The following SASH1 variants were observed in gnomAD, a reference collection of about 807,000 sequenced individuals.
The protein encoded by SASH1 is SAM and SH3 domain containing 1.
A neutral mutation model predicts 125.2 loss-of-function variants in SASH1; 44 were observed. The ratio of observed to expected loss-of-function variants is 0.35; its 90% CI spans 0.28 to 0.45. The LOEUF (loss-of-function observed/expected upper bound fraction) is 0.45, where lower values mean the gene tolerates loss of function less well. Among genes scored for constraint, SASH1 ranks in the 20% least tolerant of loss-of-function variants. SASH1 has a pLI of 1.00. For missense variants in SASH1, 1,426 were observed against 1,614.5 expected (o/e 0.88, Z 2.00); for synonymous variants, 639 against 649.1 (o/e 0.98, Z 0.24).
intron 1 of SASH1, among the ~76,000 whole-genome samples, chr6:148,325,849 T>C (rs1780781573): frequency 6.6e-6 from 1 of 152,036 alleles, no homozygotes; most frequent in Admixed American, 6.6e-5. Flanking sequence ...TCCACAGTAT[T>C]TGCCCCGATG....
intron 4 of SASH1, among the ~76,000 whole-genome samples, chr6:148,461,780 T>C (rs1382446723): frequency 6.6e-6 from 1 of 152,188 alleles, no homozygotes; most frequent in Non-Finnish European, 1.5e-5. Flanking sequence ...ACAGAGGAGA[T>C]AGGTTTGTGT....
intron 5 of SASH1, 194 bp downstream of exon 5, chr6:148,468,779 C>T: frequency 2.0e-6 from 1 of 508,168 alleles, no homozygotes; most frequent in South Asian, 3.2e-5. Context: ...ATTCTGCATA[C>T]TGTTTTATAG....
At chr6:148,259,126 A>G in the SASH1 span, among the ~76,000 whole-genome samples, 320 of 152,280 alleles carry the variant, frequency 2.1e-3, 2 homozygotes, top group Non-Finnish European at 3.6e-3. Context: ...GTTGTCTGCG[A>G]GGGATGAGGG....
chr6:148,269,661 C>A (rs986497458), upstream of SASH1, among the ~76,000 whole-genome samples: 2 of 152,080 alleles, frequency 1.3e-5, no homozygotes, highest in Non-Finnish European at 2.9e-5. Flanking sequence ...GGATGCCCAC[C>A]CTGATGGCCT....
chr6:148,225,489 G>T, the SASH1 span, among the ~76,000 whole-genome samples: 7 of 152,048 alleles, frequency 4.6e-5, no homozygotes, highest in African/African-American at 1.4e-4. Flanking sequence ...CCCAAATATC[G>T]TATGTTCTCA....
chr6:148,548,496 A>G lies in SASH1; in HGVS notation c.3682A>G (p.Ile1228Val), dbSNP rs138514970. 143 of 1,614,138 alleles carry G rather than the reference A, an allele frequency of 8.9e-5. 1 individual carries two copies. In the African/African-American group the frequency reaches 1.7e-3, roughly 19 times the overall value. Residue 1228 changes from isoleucine to valine, a missense_variant, in exon 20 of 20, where the codon ATA becomes GTA. Physicochemically the swap from Ile to Val is conservative, Grantham distance 29. Coordinates refer to ENST00000367467, the MANE Select transcript of SASH1 (RefSeq NM_015278.5). ...GGCCGGCATCACAGAGGAGAGACAC[A>G]TAAGAAAGCTCCTATCTGCAGCCAG... is the stretch of plus-strand genomic sequence containing the variant. Reference protein sequence around the residue: ...QEAGITEERHIRKLLSAARLF... With the variant: ...QEAGITEERHVRKLLSAARLF...
intron 4 of SASH1, among the ~76,000 whole-genome samples, chr6:148,461,766 T>C (rs1777621615): frequency 6.6e-6 from 1 of 152,212 alleles, no homozygotes. Context: ...TCTATTTCTC[T>C]TAAACAGAGG....
intron 1 of SASH1, chr6:148,379,941 C>G (rs1466127501): frequency 6.6e-6 from 3 of 456,424 alleles, no homozygotes; most frequent in Non-Finnish European, 8.8e-6. Flanking sequence ...AAAGCAAGTC[C>G]TGGATATCGT....
the SASH1 span, among the ~76,000 whole-genome samples, chr6:148,259,794 T>C: frequency 3.3e-5 from 5 of 152,366 alleles, no homozygotes; most frequent in East Asian, 7.7e-4. Flanking sequence ...GGAGTACTTC[T>C]GTTGGGATCA....
intron 1 of SASH1, among the ~76,000 whole-genome samples, chr6:148,388,128 TG>T (rs1396377153): frequency 4.6e-5 from 7 of 152,138 alleles, no homozygotes; most frequent in African/African-American, 1.7e-4. Flanking sequence ...TTGGTGAGGC[TG>T]GTCTCGAACT....
intron 9 of SASH1, among the ~76,000 whole-genome samples, chr6:148,514,999 G>GT (rs1224359307): frequency 6.6e-6 from 1 of 152,202 alleles, no homozygotes; most frequent in East Asian, 1.9e-4. Context: ...TCTTTTAAGA[G>GT]TTGTATTGCT....
intron 7 of SASH1, among the ~76,000 whole-genome samples, chr6:148,477,729 G>A (rs1778430097): frequency 8.9e-6 from 1 of 112,950 alleles, no homozygotes; most frequent in African/African-American, 3.5e-5. Flanking sequence ...ATGGAGTCTT[G>A]CTCTGTCGCC....
At chr6:148,400,967 A>G (rs560835666) in intron 2 of SASH1, among the ~76,000 whole-genome samples, 2 of 151,564 alleles carry the variant, frequency 1.3e-5, no homozygotes, top group East Asian at 2.0e-4. Flanking sequence ...GGTGTTGGCC[A>G]GGTGTGGTGG....
At chr6:148,383,355 A>G (rs1206468464) in intron 1 of SASH1, among the ~76,000 whole-genome samples, 1 of 152,196 alleles carries the variant, frequency 6.6e-6, no homozygotes, top group Non-Finnish European at 1.5e-5. Context: ...ATCTCCATCC[A>G]TCCCTCTTCA....
chr6:148,371,020 T>C (rs1352206558), intron 1 of SASH1, among the ~76,000 whole-genome samples: 1 of 152,226 alleles, frequency 6.6e-6, no homozygotes, highest in African/African-American at 2.4e-5. Context: ...TTGTGCTTAC[T>C]GTCATTCTCT....
Position 148,387,610 on chromosome 6 carries a change from T to TTCTTTCTTTCTCTCTC in SASH1, c.157-2513_157-2512insCTCTCTCTTTCTTTCT. Reference sequence around the variant, plus strand: ...TTTCTTTCTTTCTTTCTTTCTTTCTTTCTTTCTTTCTTTCTTTCTTTCTTT... The same window carrying TTCTTTCTTTCTCTCTC: ...TTTCTTTCTTTCTTTCTTTCTTTCTTTCTTTCTTTCTCTCTCTCTTTCTTTCTTTCTTTCTTTCTTT... On this transcript the variant is annotated intron_variant, in intron 1 of 19. Coordinates refer to ENST00000367467, the MANE Select transcript of SASH1 (RefSeq NM_015278.5). Among the ~76,000 whole-genome samples the TTCTTTCTTTCTCTCTC allele has an allele frequency of 1.4e-4, 3 of 22,054 alleles. 1 individual carries two copies. The allele number at this position is 22,054 out of a possible 152,430, so 14.5% of individuals were successfully genotyped here. A position where few individuals can be genotyped will look rare whatever the true frequency, so the allele number is the denominator to read the frequency against.
intron 8 of SASH1, among the ~76,000 whole-genome samples, chr6:148,504,483 T>C (rs139713732): frequency 8.1e-4 from 124 of 152,164 alleles, no homozygotes; most frequent in Admixed American, 2.9e-3. Context: ...AATTTGCACA[T>C]CTACTGTGTT....
chr6:148,215,248 A>C, the SASH1 span, among the ~76,000 whole-genome samples: 1 of 152,198 alleles, frequency 6.6e-6, no homozygotes, highest in African/African-American at 2.4e-5. Flanking sequence ...TCTTATTCCA[A>C]CTGAAATTCA....
intron 1 of SASH1, among the ~76,000 whole-genome samples, chr6:148,343,726 G>T (rs539832238): frequency 6.6e-6 from 1 of 152,186 alleles, no homozygotes; most frequent in Admixed American, 6.5e-5. Flanking sequence ...TATATGTTTG[G>T]GGCTAAAACA....
Sources: gnomAD v4.1 joint callset for allele counts (sites outside exome capture counted in the v4.1 genomes callset) on GRCh38, gnomAD v4.1.1 for gene constraint, MANE v1.5 for transcripts, NCBI Gene and HGNC (gene_info 2026-07-23, HGNC 2026-07-21) for gene names.